The following ZNF398 variants were observed in gnomAD, a reference collection of about 807,000 sequenced individuals.
ZNF398 encodes the protein zinc finger protein 398, also known as zinc finger DNA binding protein ZER6.
A neutral mutation model predicts 41.9 loss-of-function variants in ZNF398; 18 were observed. That is an observed-to-expected ratio of 0.43 (90% CI 0.30 to 0.64). ZNF398 has a LOEUF of 0.64. ZNF398 is among the 30% of genes least tolerant of loss of function. The probability of loss-of-function intolerance (pLI) is 0.14; values close to 1 mark genes in which losing one functional copy is unlikely to be tolerated. For missense variants in ZNF398, 669 were observed against 822.8 expected, an observed-to-expected ratio of 0.81 and a Z score of 2.29; for synonymous variants, 260 against 308.8, an observed-to-expected ratio of 0.84 and a Z score of 1.66.
At chr7:149,129,888 C>T (rs1016156282) in intron 2 of ZNF398, among the ~76,000 whole-genome samples, 2 of 152,064 alleles carry the variant, frequency 1.3e-5, no homozygotes, top group Non-Finnish European at 2.9e-5. Flanking sequence ...GCAACCTCCG[C>T]CTCCCAGGTT....
chr7:149,170,595 C>T (rs1795314016), intron 4 of ZNF398, among the ~76,000 whole-genome samples: 2 of 151,962 alleles, frequency 1.3e-5, no homozygotes, highest in African/African-American at 4.8e-5. Flanking sequence ...ATTAGCCAGC[C>T]ATGGTGGTGG....
At chr7:149,144,075 T>G (rs1292418411), upstream of ZNF398, among the ~76,000 whole-genome samples, 8 of 152,188 alleles carry the variant, frequency 5.3e-5, no homozygotes, top group African/African-American at 1.9e-4. Flanking sequence ...ATCCAAAGAA[T>G]TTTTAAGGCC....
At chr7:149,145,229 T>G (rs1265533208), upstream of ZNF398, among the ~76,000 whole-genome samples, 3 of 152,214 alleles carry the variant, frequency 2.0e-5, no homozygotes, top group South Asian at 2.1e-4. Flanking sequence ...GATTCATACA[T>G]GTTTGAAATG....
At chr7:149,168,633 A>G (rs1795272522) in intron 4 of ZNF398, among the ~76,000 whole-genome samples, 2 of 152,104 alleles carry the variant, frequency 1.3e-5, no homozygotes, top group South Asian at 4.2e-4. Context: ...CAGTGGCGTG[A>G]TCCTGGCTCA....
At chr7:149,171,929 A>G (rs1008365379) in intron 4 of ZNF398, among the ~76,000 whole-genome samples, 6 of 152,210 alleles carry the variant, frequency 3.9e-5, no homozygotes, top group Non-Finnish European at 7.3e-5. Flanking sequence ...TTGGCCTTCC[A>G]AAGTGCTAGG....
chr7:149,176,492 T>C lies in ZNF398; in HGVS notation c.686T>C (p.Ile229Thr). 6.2e-7 allele frequency: 1 copy of C among 1,613,960 alleles called. No homozygotes were observed. Among genetic ancestry groups the C allele is most frequent in the Non-Finnish European group, 8.5e-7 (1 of 1,179,912 alleles). The change falls in exon 5 of 6, where the codon ATT becomes ACT. Residue 229 changes from isoleucine (I) to threonine (T), a missense_variant. Coordinates refer to ENST00000475153, the MANE Select transcript of ZNF398 (RefSeq NM_170686.3). ...SEEPGISTSD[I>T]LSWIKQEEEP... ...GAGCCTGGTATTTCAACATCAGATA[T>C]TCTGTCTTGGATTAAACAAGAAGAA...
intron 2 of ZNF398, among the ~76,000 whole-genome samples, chr7:149,140,987 T>A (rs1480280482): frequency 6.9e-6 from 1 of 145,332 alleles, no homozygotes; most frequent in Non-Finnish European, 1.5e-5. Context: ...CTGCAGTGAG[T>A]CATGCTTGTG....
At chr7:149,176,884 G>A (rs1430515695) in intron 5 of ZNF398, among the ~76,000 whole-genome samples, 1 of 152,178 alleles carries the variant, frequency 6.6e-6, no homozygotes, top group Non-Finnish European at 1.5e-5. Flanking sequence ...AAATCATGTA[G>A]AAAGGGTAGA....
At chr7:149,166,640 T>C (rs1026921050) in intron 3 of ZNF398, among the ~76,000 whole-genome samples, 177 bp from the exon 4 acceptor site, 7 of 152,182 alleles carry the variant, frequency 4.6e-5, no homozygotes, top group Non-Finnish European at 7.3e-5. Flanking sequence ...CTCCACTGCC[T>C]GCTTTCCTGA....
chr7:149,178,774 A>T lies in ZNF398; in HGVS notation c.902A>T (p.Gln301Leu), dbSNP rs61732816. The change falls in exon 6 of 6, where the codon CAG becomes CTG. Residue 301 changes from glutamine (Q) to leucine (L), a missense_variant. Transcript: ENST00000475153. Reference sequence around the variant, plus strand: ...TTTTCAGATGTGGCTTTCAAAAGCCAGCAGTCTACATCCATGACACCTTTT... The same window carrying T: ...TTTTCAGATGTGGCTTTCAAAAGCCTGCAGTCTACATCCATGACACCTTTT... ...DAFSDVAFKS[Q>L]QSTSMTPFGR... 1 of 1,614,216 alleles carries T rather than the reference A, an allele frequency of 6.2e-7. No homozygotes were observed. Among genetic ancestry groups the T allele is most frequent in the Non-Finnish European group, 8.5e-7 (1 of 1,180,042 alleles).
chr7:149,133,654 AATAT>A (rs146151029), intron 2 of ZNF398, among the ~76,000 whole-genome samples: 9,804 of 71,770 alleles, frequency 0.14, 824 homozygotes, highest in African/African-American at 0.16. Context: ...GTGTTTTTTA[AATAT>A]ATATATATAT....
In ZNF398 at chr7:149,166,903, A is replaced by G. The variant is rs1449042655; in HGVS notation, c.634A>G (p.Ser212Gly). Residue 212 changes from serine to glycine, a missense_variant, in exon 4 of 6, where the codon AGT becomes GGT. Transcript: ENST00000475153. ...NTEDQAGPEE[S>G]EIPTDPSEEP... ...AGAGGACCAGGCAGGGCCAGAGGAA[A>G]GTGAGATTCCCACAGACCCCAGTGA... 6.2e-7 allele frequency: 1 copy of G among 1,612,628 alleles called. No individual in the cohort carries two copies. Among genetic ancestry groups the G allele is most frequent in the Non-Finnish European group, 8.5e-7 (1 of 1,179,004 alleles).
upstream of ZNF398, among the ~76,000 whole-genome samples, chr7:149,142,671 CAA>C (rs1826852924): frequency 2.0e-5 from 3 of 152,062 alleles, no homozygotes; most frequent in African/African-American, 7.2e-5. Context: ...CGTCTAAAAA[CAA>C]ACAAACAAAC....
At chr7:149,166,336 C>T (rs1225604479) in intron 3 of ZNF398, 52 bp downstream of exon 3, 1 of 1,604,730 alleles carries the variant, frequency 6.2e-7, no homozygotes, top group African/African-American at 1.3e-5. Flanking sequence ...TCCAAGAGGG[C>T]TCAGAACAGT....
intron 4 of ZNF398, 64 bp downstream of exon 4, chr7:149,166,994 G>A (rs1795238869): frequency 6.9e-6 from 8 of 1,165,098 alleles, no homozygotes; most frequent in Non-Finnish European, 9.9e-6. Flanking sequence ...GTGGCTCAGA[G>A]CTAAGCAGGG....
chr7:149,179,978 C>G lies in ZNF398; in HGVS notation c.*177C>G. The stretch of plus-strand genomic sequence containing the variant: ...TGTGTTTTGGAATTTCACACCCTTA[C>G]AAGAATACCACATTTTGAAACCCAG... On this transcript the variant is annotated 3_prime_UTR_variant, in exon 6 of 6. Transcript: ENST00000475153. The surrounding 1 kb of genome is among the most constrained non-coding windows in gnomAD (Gnocchi z 6.1). The G allele has an allele frequency of 1.8e-6, 1 of 558,664 alleles. No individual in the cohort carries two copies. The highest frequency in any genetic ancestry group is 3.0e-6 in the Non-Finnish European group (1 of 338,294). The allele number at this position is 558,664 out of a possible 1,614,324, so 34.6% of individuals were successfully genotyped here.
intron 2 of ZNF398, among the ~76,000 whole-genome samples, chr7:149,131,072 A>G (rs1826585658): frequency 6.6e-6 from 1 of 152,188 alleles, no homozygotes; most frequent in Admixed American, 6.6e-5. Flanking sequence ...CTTTCCTGAG[A>G]AAGGAACTCA....
chr7:149,137,660 G>A (rs1396050250), intron 2 of ZNF398, among the ~76,000 whole-genome samples: 1 of 152,178 alleles, frequency 6.6e-6, no homozygotes, highest in Non-Finnish European at 1.5e-5. Flanking sequence ...GATTACAGGC[G>A]TGAGCCACTG....
chr7:149,149,978 G>A (rs1449853731), intron 1 of ZNF398, among the ~76,000 whole-genome samples: 2 of 152,286 alleles, frequency 1.3e-5, no homozygotes, highest in South Asian at 4.2e-4. Flanking sequence ...AACAGTGCCA[G>A]TCCACCCTAT....
Sources: gnomAD v4.1 joint callset for allele counts (sites outside exome capture counted in the v4.1 genomes callset) on GRCh38, gnomAD v4.1.1 for gene constraint, Gnocchi (gnomAD v3.1) non-coding constraint, MANE v1.5 for transcripts, NCBI Gene and HGNC (gene_info 2026-07-23, HGNC 2026-07-21) for gene names.